Variants in WARS2 observed in about 807,000 individuals in gnomAD.
WARS2 encodes the protein tryptophanyl tRNA synthetase 2, mitochondrial.
Under a neutral mutation model 36.5 loss-of-function variants are expected in WARS2, and 28 were observed. The observed-to-expected ratio is 0.77, with a 90% CI of 0.57 to 1.05. The LOEUF (loss-of-function observed/expected upper bound fraction) is 1.05. Ranked by LOEUF, WARS2 falls within the 50% of genes least tolerant of loss-of-function variation. WARS2 has a pLI of 0.00. For synonymous variants in WARS2, 174 were observed against 178.4 expected (o/e 0.98, Z 0.20); for missense variants, 435 against 456.8 (o/e 0.95, Z 0.44).
chr1:119,044,670 A>G (rs1263183062), intron 3 of WARS2, among the ~76,000 whole-genome samples: 1 of 152,198 alleles, frequency 6.6e-6, no homozygotes, highest in African/African-American at 2.4e-5. Context: ...GTTCATGGAT[A>G]GTGACTTCTA....
At chr1:119,085,290 T>C (rs1652544873) in intron 1 of WARS2, 2 of 1,076,638 alleles carry the variant, frequency 1.9e-6, no homozygotes, top group Non-Finnish European at 2.9e-6. Context: ...AGTCCTGGCC[T>C]TGGGGAGCTT....
chr1:119,091,061 T>C (rs1653011151), intron 1 of WARS2, among the ~76,000 whole-genome samples: 1 of 152,212 alleles, frequency 6.6e-6, no homozygotes, highest in Admixed American at 6.5e-5. Flanking sequence ...AGTTCAGATA[T>C]TAAGTAATTT....
At chr1:119,131,326 G>A (rs1235302437) in intron 1 of WARS2, among the ~76,000 whole-genome samples, 2 of 152,130 alleles carry the variant, frequency 1.3e-5, no homozygotes, top group African/African-American at 4.8e-5. Flanking sequence ...AGAGGTAATG[G>A]CATTAATAAG....
intron 1 of WARS2, among the ~76,000 whole-genome samples, chr1:119,134,331 A>AAAC (rs1402782114): frequency 6.6e-6 from 1 of 151,024 alleles, no homozygotes; most frequent in Non-Finnish European, 1.5e-5. Context: ...AAAAAAAAAA[A>AAAC]AAAAAAAAAA....
intron 4 of WARS2, among the ~76,000 whole-genome samples, chr1:119,039,585 TGGAA>T (rs1213433799): frequency 6.6e-6 from 1 of 152,194 alleles, no homozygotes; most frequent in Non-Finnish European, 1.5e-5. Flanking sequence ...TTTTGAGCAT[TGGAA>T]TATTTTGTCT....
At chr1:119,116,750 G>A (rs1465977377) in intron 1 of WARS2, among the ~76,000 whole-genome samples, 1 of 152,160 alleles carries the variant, frequency 6.6e-6, no homozygotes, top group Non-Finnish European at 1.5e-5. Flanking sequence ...AAGCCCCAGG[G>A]AAGCCATTCC....
chr1:119,067,245 C>T (rs759715216), intron 2 of WARS2, among the ~76,000 whole-genome samples: 4 of 152,106 alleles, frequency 2.6e-5, no homozygotes, highest in Non-Finnish European at 5.9e-5. Context: ...AATATAAACA[C>T]ATTTGTAGGA....
At chr1:119,039,764 C>T (rs931450746) in intron 4 of WARS2, among the ~76,000 whole-genome samples, 4 of 151,862 alleles carry the variant, frequency 2.6e-5, no homozygotes, top group African/African-American at 7.3e-5. Context: ...GTTTTCTGAC[C>T]CACCATGCCA....
At chr1:119,103,147 T>G (rs1199015492) in intron 1 of WARS2, among the ~76,000 whole-genome samples, 1 of 152,270 alleles carries the variant, frequency 6.6e-6, no homozygotes, top group Non-Finnish European at 1.5e-5. Context: ...TTGACCAGAT[T>G]CAAGGACCAT....
In WARS2 at chr1:119,099,952, G is replaced by A. The variant is rs1653737833; in HGVS notation, c.91-23345C>T. On this transcript the variant is annotated intron_variant, in intron 1 of 5. Coordinates refer to ENST00000235521, the MANE Select transcript of WARS2 (RefSeq NM_015836.4). ...CAACAAACCCAAAAATAGACAAGTA[G>A]GACCTAATTAAACTTCAAAGCTTAT... 1.3e-5 allele frequency among the ~76,000 whole-genome samples: 2 copies of A among 152,142 alleles called. 1 individual carries two copies. Among genetic ancestry groups the A allele is most frequent in the African/African-American group, 4.8e-5 (2 of 41,432 alleles).
At chr1:119,129,551 A>C (rs1655939005) in intron 1 of WARS2, among the ~76,000 whole-genome samples, 1 of 152,010 alleles carries the variant, frequency 6.6e-6, no homozygotes, top group Non-Finnish European at 1.5e-5. Context: ...TTTAATAAAA[A>C]ACAAAAAAAT....
chr1:119,133,482 C>T (rs777561168), intron 1 of WARS2, among the ~76,000 whole-genome samples: 1 of 152,196 alleles, frequency 6.6e-6, no homozygotes, highest in Non-Finnish European at 1.5e-5. Context: ...TTGGTTCTGA[C>T]ACTTGCTAGC....
At chr1:119,085,652 C>A in intron 1 of WARS2, 1 of 1,422,792 alleles carries the variant, frequency 7.0e-7, no homozygotes, top group Non-Finnish European at 9.9e-7. Flanking sequence ...TTCCTTTGAT[C>A]TTGATCCCAT....
rs907026217 is a variant in WARS2 at position 119,047,185 on chromosome 1, A to G, written c.349-1523T>C. 2.0e-5 allele frequency among the ~76,000 whole-genome samples: 3 copies of G among 152,230 alleles called. No homozygotes were observed. The East Asian group carries it at 5.8e-4, about 29-fold the overall frequency. ...ACAGAAACTAACCCTGGATGTAGGC[A>G]AGAGGACTAGAGTTGCTTCCAATCA... On this transcript the variant is annotated intron_variant, in intron 2 of 5. Transcript: ENST00000235521.
At chr1:119,064,316 T>C (rs576601320) in intron 2 of WARS2, 1 of 152,312 alleles carries the variant, frequency 6.6e-6, no homozygotes, top group Admixed American at 6.5e-5. Flanking sequence ...CTAGTTTGCT[T>C]TTGATTTTAC....
At chr1:119,081,973 C>G (rs149870839) in intron 1 of WARS2, among the ~76,000 whole-genome samples, 44 of 152,172 alleles carry the variant, frequency 2.9e-4, no homozygotes, top group African/African-American at 1.0e-3. Context: ...ATGGGTTCAT[C>G]ATTTCTAAGC....
intron 1 of WARS2, among the ~76,000 whole-genome samples, chr1:119,079,058 A>G (rs138216605): frequency 0.01 from 1,543 of 152,104 alleles, 27 homozygotes; most frequent in African/African-American, 0.035. Context: ...TTTTTTGCAT[A>G]TGGTGTGAGG....
intron 1 of WARS2, among the ~76,000 whole-genome samples, chr1:119,082,017 T>G (rs143862284): frequency 1.3e-3 from 194 of 152,100 alleles, no homozygotes; most frequent in African/African-American, 4.2e-3. Context: ...TGCTCAGACC[T>G]AGGAATCAAT....
chr1:119,120,138 T>C (rs1655236459), intron 1 of WARS2, among the ~76,000 whole-genome samples: 3 of 151,874 alleles, frequency 2.0e-5, no homozygotes, highest in Middle Eastern at 3.4e-3. Context: ...TTTGAAAAGA[T>C]AAACAAAATC....
Sources: gnomAD v4.1 joint callset for allele counts (sites outside exome capture counted in the v4.1 genomes callset) on GRCh38, gnomAD v4.1.1 for gene constraint, MANE v1.5 for transcripts, NCBI Gene and HGNC (gene_info 2026-07-23, HGNC 2026-07-21) for gene names.